Variants in CSRP3 observed in about 807,000 individuals in gnomAD.
CSRP3 encodes cysteine and glycine rich protein 3.
A neutral mutation model predicts 24.3 loss-of-function variants in CSRP3; 24 were observed. The ratio of observed to expected loss-of-function variants is 0.99; its 90% confidence interval spans 0.71 to 1.39. The LOEUF (loss-of-function observed/expected upper bound fraction) is 1.39. CSRP3 is among the 40% of genes most tolerant of loss of function. The pLI is 0.00. For missense variants in CSRP3, 240 were observed against 249.0 expected (o/e 0.96, Z 0.24); for synonymous variants, 105 against 94.0 (o/e 1.12, Z -0.68).
rs727504899 is a variant in CSRP3 at position 19,182,716 on chromosome 11, C to A, written c.539G>T (p.Gly180Val). The A allele has an allele frequency of 1.2e-6, 2 of 1,614,136 alleles. No individual in the cohort carries two copies. The highest frequency in any genetic ancestry group is 1.7e-6 in the Non-Finnish European group (2 of 1,180,012). The change falls in exon 6 of 6, where the codon GGT (glycine) becomes GTT (valine). Residue 180 changes from glycine (G) to valine (V), a missense_variant. Gly to Val is a moderately radical substitution (Grantham distance 109). Transcript: ENST00000265968. ...TTGTGTAAGGCCTCCAAACCCAATACCCGTGGGGCCAAAATTTTTGGCATA... is the reference window on the plus strand; with the variant it reads ...TTGTGTAAGGCCTCCAAACCCAATAACCGTGGGGCCAAAATTTTTGGCATA... ...VCYAKNFGPT[G>V]IGFGGLTQQV...
chr11:19,200,632 G>C (rs1043001654), intron 1 of CSRP3, among the ~76,000 whole-genome samples: 37 of 152,238 alleles, frequency 2.4e-4, no homozygotes, highest in African/African-American at 8.4e-4. Flanking sequence ...CTGGGGCTCA[G>C]CTACACCTCC....
chr11:19,197,509 T>TTCTTTCTTTCTC, intron 1 of CSRP3, among the ~76,000 whole-genome samples: 1 of 85,670 alleles, frequency 1.2e-5, no homozygotes, highest in Non-Finnish European at 2.4e-5. Context: ...TCCTCTTTCT[T>TTCTTTCTTTCTC]TCTTTCTTTC....
chr11:19,182,642 C>CA lies in CSRP3; in HGVS notation c.*27dup, dbSNP rs534055346. The CA allele has an allele frequency of 3.1e-6, 5 of 1,605,062 alleles. No individual in the cohort carries two copies. The highest frequency in any genetic ancestry group is 2.2e-5 in the South Asian group (2 of 90,888). ...TTACTTGGCAAGTGTTTTAGGCTCG[C>CA]AAAAAATCTGAGAAACGGCGCACCT... On this transcript the variant is annotated 3_prime_UTR_variant, in exon 6 of 6. Transcript: ENST00000265968.
intron 1 of CSRP3, among the ~76,000 whole-genome samples, chr11:19,193,605 C>T (rs755088976): frequency 3.3e-5 from 5 of 152,196 alleles, no homozygotes; most frequent in Admixed American, 6.5e-5. Context: ...GTGATCTGCC[C>T]GCCTTGGCCT....
intron 3 of CSRP3, among the ~76,000 whole-genome samples, chr11:19,186,642 A>C (rs1277236842): frequency 6.6e-6 from 1 of 152,210 alleles, no homozygotes; most frequent in Non-Finnish European, 1.5e-5. Context: ...TGTTCTAGTT[A>C]TGTTAGCTTG....
At chr11:19,187,883 G>T (rs899277061) in intron 3 of CSRP3, among the ~76,000 whole-genome samples, 4 of 152,168 alleles carry the variant, frequency 2.6e-5, no homozygotes, top group African/African-American at 9.7e-5. Context: ...TACATCCTGG[G>T]TTTTCTCTTG....
At chr11:19,184,828 G>T in intron 5 of CSRP3, 124 bp downstream of exon 5, 1 of 788,384 alleles carries the variant, frequency 1.3e-6, no homozygotes, top group Non-Finnish European at 2.2e-6. Context: ...ACCCAACGCT[G>T]CCCAGGCTGA....
intron 1 of CSRP3, among the ~76,000 whole-genome samples, chr11:19,197,696 C>G (rs1850765186): frequency 6.6e-6 from 1 of 151,562 alleles, no homozygotes; most frequent in South Asian, 2.1e-4. Context: ...CCTCAAGCCA[C>G]AGTGCCACAA....
At chr11:19,190,069 C>G (rs1418674241) in intron 2 of CSRP3, among the ~76,000 whole-genome samples, 1 of 152,212 alleles carries the variant, frequency 6.6e-6, no homozygotes, top group African/African-American at 2.4e-5. Flanking sequence ...AGAATTAGTC[C>G]TCTGTAAACA....
intron 4 of CSRP3, 33 bp downstream of exon 4, chr11:19,186,183 C>A: frequency 6.2e-7 from 1 of 1,614,092 alleles, no homozygotes; most frequent in South Asian, 1.1e-5. Flanking sequence ...TGGAGATGAG[C>A]AAATTCTGTC....
At chr11:19,191,154 A>T (rs905415161) in intron 2 of CSRP3, among the ~76,000 whole-genome samples, 3 of 152,218 alleles carry the variant, frequency 2.0e-5, no homozygotes, top group Non-Finnish European at 4.4e-5. Context: ...GAGGTTCACC[A>T]TGGTGAAATG....
At chr11:19,183,602 C>T (rs937403214) in intron 5 of CSRP3, among the ~76,000 whole-genome samples, 4 of 151,992 alleles carry the variant, frequency 2.6e-5, no homozygotes, top group African/African-American at 9.7e-5. Context: ...TTTCACTTTG[C>T]AATGCAATTA....
In CSRP3 at chr11:19,186,274, T is replaced by C. The variant is rs750815304; in HGVS notation, c.356A>G (p.Lys119Arg). The C allele has an allele frequency of 6.2e-7, 1 of 1,614,216 alleles. No individual in the cohort carries two copies. Among genetic ancestry groups the C allele is most frequent in the South Asian group, 1.1e-5 (1 of 91,080 alleles). The change falls in exon 4 of 6, where the codon AAG becomes AGG. Residue 119 changes from lysine (K) to arginine (R), a missense_variant. Coordinates refer to ENST00000265968, the MANE Select transcript of CSRP3 (RefSeq NM_003476.5). ...KFTAKFGESE[K>R]CPRCGKSVYA... Reference sequence around the variant, plus strand: ...GACTGACTTGCCACATCGAGGGCACTTCTCGGACTCTCCAAACTTCGCAGT... The same window carrying C: ...GACTGACTTGCCACATCGAGGGCACCTCTCGGACTCTCCAAACTTCGCAGT...
chr11:19,186,377 G>A lies in CSRP3; in HGVS notation c.282-29C>T, dbSNP rs374323797. ...TTGGAAATAGACGAATGAATGAAACGTAGATTTCCCTTGGCAAAGAGTAGA... is the reference window on the plus strand; with the variant it reads ...TTGGAAATAGACGAATGAATGAAACATAGATTTCCCTTGGCAAAGAGTAGA... On this transcript the variant is annotated intron_variant, in intron 3 of 5. Coordinates refer to ENST00000265968, the MANE Select transcript of CSRP3 (RefSeq NM_003476.5). 6.8e-5 allele frequency: 109 copies of A among 1,614,128 alleles called. No homozygotes were observed. The African/African-American group carries it at 8.4e-4, about 12-fold the overall frequency.
chr11:19,192,864 T>C (rs1480860412), intron 1 of CSRP3, among the ~76,000 whole-genome samples: 1 of 152,160 alleles, frequency 6.6e-6, no homozygotes, highest in Non-Finnish European at 1.5e-5. Flanking sequence ...TCTGTGAAGA[T>C]GGTATTTTCT....
At chr11:19,190,718 C>G (rs568471062) in intron 2 of CSRP3, among the ~76,000 whole-genome samples, 1 of 152,180 alleles carries the variant, frequency 6.6e-6, no homozygotes, top group Non-Finnish European at 1.5e-5. Context: ...AACGCCTTTT[C>G]CAGCAGCTAC....
At chr11:19,192,535 C>CT in intron 1 of CSRP3, 59 bp from the exon 2 acceptor site, 1 of 1,049,042 alleles carries the variant, frequency 9.5e-7, no homozygotes, top group Non-Finnish European at 1.5e-6. Context: ...GAACCAATCT[C>CT]TAAGAGTGCA....
intron 2 of CSRP3, among the ~76,000 whole-genome samples, chr11:19,191,001 C>G (rs1016576168): frequency 6.6e-6 from 1 of 152,226 alleles, no homozygotes; most frequent in African/African-American, 2.4e-5. Flanking sequence ...CTACAATTTC[C>G]TGTTCCCACG....
intron 4 of CSRP3, among the ~76,000 whole-genome samples, chr11:19,185,293 C>T (rs564773496): frequency 8.5e-5 from 13 of 152,160 alleles, no homozygotes; most frequent in Non-Finnish European, 1.2e-4. Flanking sequence ...ATAGACTAAA[C>T]GGGAAAGGGC....
Sources: allele counts gnomAD v4.1 joint callset (sites outside exome capture counted in the v4.1 genomes callset), GRCh38; gene constraint gnomAD v4.1.1; transcripts MANE v1.5; gene names NCBI Gene and HGNC (gene_info 2026-07-23, HGNC 2026-07-21).